The following TFG variants were observed in gnomAD, a reference collection of about 807,000 sequenced individuals.
TFG encodes the protein protein TFG.
In TFG, 22 loss-of-function variants were observed where a neutral mutation model predicts 51.4. The observed-to-expected ratio is 0.43, with a 90% CI of 0.31 to 0.61. The LOEUF (loss-of-function observed/expected upper bound fraction) is 0.61. Among genes scored for constraint, TFG ranks in the 20% least tolerant of loss-of-function variants. TFG has a pLI of 0.12. For missense variants in TFG, 419 were observed against 487.7 expected, an observed-to-expected ratio of 0.86 and a Z score of 1.33; for synonymous variants, 187 against 165.6, an observed-to-expected ratio of 1.13 and a Z score of -0.99.
chr3:100,726,998 T>C (rs1478010437), intron 3 of TFG, among the ~76,000 whole-genome samples: 1 of 152,208 alleles, frequency 6.6e-6, no homozygotes, highest in Non-Finnish European at 1.5e-5. Context: ...TAGTAGCAGT[T>C]ACTCATATTA....
chr3:100,713,224 T>C (rs1212457627), intron 1 of TFG, among the ~76,000 whole-genome samples: 1 of 152,204 alleles, frequency 6.6e-6, no homozygotes, highest in African/African-American at 2.4e-5. Flanking sequence ...CCCAGAGTTA[T>C]TTTAAAGGCA....
At chr3:100,739,627 A>G (rs750194417) in intron 6 of TFG, among the ~76,000 whole-genome samples, 1 of 152,196 alleles carries the variant, frequency 6.6e-6, no homozygotes, top group Non-Finnish European at 1.5e-5. Context: ...TATTATGTAA[A>G]TATTGAAACA....
rs1059503 is a variant in TFG at position 100,748,829 on chromosome 3, G to A, written c.*298G>A. On this transcript the variant is annotated 3_prime_UTR_variant, in exon 8 of 8. Coordinates refer to ENST00000240851, the MANE Select transcript of TFG (RefSeq NM_006070.6). ...TCCCTTGTCCGGAGGATATTAAAAT[G>A]CTAGGGTGAGGTTTAGCCATCTTAC... is the stretch of plus-strand genomic sequence containing the variant. 24,330 of 320,868 alleles carry A rather than the reference G, an allele frequency of 0.076. 1,242 individuals are homozygous for A. Among genetic ancestry groups the A allele is most frequent in the South Asian group, 0.18 (2,078 of 11,714 alleles). 19.9% of individuals were successfully genotyped at this position (320,868 alleles called of 1,614,324 possible). A position where few individuals can be genotyped will look rare whatever the true frequency, so the allele number is the denominator to read the frequency against.
At chr3:100,725,622 C>CAAAAAAAAA (rs763163559) in intron 3 of TFG, among the ~76,000 whole-genome samples, 979 of 82,332 alleles carry the variant, frequency 0.012, no homozygotes, top group Non-Finnish European at 0.014. Flanking sequence ...ACCAAAAATA[C>CAAAAAAAAA]AAAAAAAAAA....
At chr3:100,737,055 C>T (rs984706965) in intron 6 of TFG, among the ~76,000 whole-genome samples, 1 of 152,126 alleles carries the variant, frequency 6.6e-6, no homozygotes, top group Admixed American at 6.5e-5. Context: ...TATTTTATCT[C>T]CCTCCTTTCT....
At chr3:100,747,500 C>T (rs966207860) in intron 7 of TFG, 1 of 152,014 alleles carries the variant, frequency 6.6e-6, no homozygotes. Context: ...AGCAGACTTT[C>T]GTTGTAAAAA....
At chr3:100,728,648 G>T in intron 3 of TFG, 64 bp from the exon 4 acceptor site, 2 of 1,234,530 alleles carry the variant, frequency 1.6e-6, no homozygotes, top group South Asian at 2.0e-5. Flanking sequence ...TTTCCTTGTT[G>T]CATATTATTA....
At chr3:100,730,519 C>T (rs1473566776) in intron 4 of TFG, among the ~76,000 whole-genome samples, 1 of 152,086 alleles carries the variant, frequency 6.6e-6, no homozygotes, top group Non-Finnish European at 1.5e-5. Flanking sequence ...ATACAATCTG[C>T]ATTATATTTT....
chr3:100,740,636 T>A (rs1045219450), intron 6 of TFG, among the ~76,000 whole-genome samples: 5 of 152,162 alleles, frequency 3.3e-5, no homozygotes, highest in Non-Finnish European at 7.3e-5. Flanking sequence ...TTTCTAAGAA[T>A]ATAAACGATA....
At chr3:100,711,346 C>T (rs1367375894) in intron 1 of TFG, among the ~76,000 whole-genome samples, 1 of 152,184 alleles carries the variant, frequency 6.6e-6, no homozygotes, top group Admixed American at 6.5e-5. Context: ...CGTGATCTGC[C>T]CGCCTCGGCC....
At chr3:100,734,766 TGAG>T (rs1334223903) in intron 5 of TFG, among the ~76,000 whole-genome samples, 2 of 152,300 alleles carry the variant, frequency 1.3e-5, no homozygotes, top group East Asian at 3.9e-4. Flanking sequence ...GAAAATTTGA[TGAG>T]GTCAGACTTT....
chr3:100,737,431 A>C (rs1439534281), intron 6 of TFG, among the ~76,000 whole-genome samples: 1 of 152,262 alleles, frequency 6.6e-6, no homozygotes, highest in Non-Finnish European at 1.5e-5. Flanking sequence ...CACAGCAGGC[A>C]CTAAGGTGCC....
chr3:100,733,021 C>T (rs1559716648), intron 5 of TFG, among the ~76,000 whole-genome samples: 2 of 151,964 alleles, frequency 1.3e-5, no homozygotes, highest in East Asian at 1.9e-4. Context: ...TTGCAGTATT[C>T]GAATTATATT....
intron 3 of TFG, among the ~76,000 whole-genome samples, chr3:100,726,410 C>T (rs1325726383): frequency 7.1e-6 from 1 of 140,568 alleles, no homozygotes; most frequent in Non-Finnish European, 1.7e-5. Flanking sequence ...CCTCTGGCAA[C>T]ACCCTCACAG....
In TFG at chr3:100,737,771, A is replaced by T. The variant is rs1409357683; in HGVS notation, c.721+1055A>T. 3.3e-5 allele frequency among the ~76,000 whole-genome samples: 5 copies of T among 152,176 alleles called. No homozygotes were observed. In the East Asian group the frequency reaches 9.6e-4, roughly 29 times the overall value. On this transcript the variant is annotated intron_variant, in intron 6 of 7. Coordinates refer to ENST00000240851, the MANE Select transcript of TFG (RefSeq NM_006070.6). The stretch of plus-strand genomic sequence containing the variant: ...GTGATACTTTCAGAGTTACCTGGCT[A>T]GGTGTGGTGCCTCACGCCTATAATC...
intron 2 of TFG, among the ~76,000 whole-genome samples, chr3:100,718,938 C>T (rs544982423): frequency 6.6e-6 from 1 of 152,140 alleles, no homozygotes; most frequent in Admixed American, 6.5e-5. Flanking sequence ...AAGTTCCTGC[C>T]ATCAGAGATA....
intron 4 of TFG, among the ~76,000 whole-genome samples, chr3:100,732,256 C>G (rs1479939259): frequency 1.3e-5 from 2 of 151,944 alleles, no homozygotes; most frequent in Non-Finnish European, 2.9e-5. Flanking sequence ...ATGTTTCTTA[C>G]AAAAGGAGGT....
intron 5 of TFG, among the ~76,000 whole-genome samples, chr3:100,735,212 C>T (rs1228403525): frequency 1.3e-5 from 2 of 152,072 alleles, no homozygotes; most frequent in African/African-American, 2.4e-5. Context: ...CTTGCATTAC[C>T]ACTATTATAT....
chr3:100,718,784 C>G (rs753673346), intron 2 of TFG, among the ~76,000 whole-genome samples: 2 of 152,032 alleles, frequency 1.3e-5, no homozygotes, highest in Non-Finnish European at 2.9e-5. Context: ...TCTCGAACTC[C>G]TGACCTCAGG....
Sources: gnomAD v4.1 joint callset for allele counts (sites outside exome capture counted in the v4.1 genomes callset) on GRCh38, gnomAD v4.1.1 for gene constraint, MANE v1.5 for transcripts, NCBI Gene and HGNC (gene_info 2026-07-23, HGNC 2026-07-21) for gene names.